Variants in REEP3 observed in about 807,000 individuals in gnomAD.
REEP3 encodes the protein receptor expression-enhancing protein 3.
In REEP3, 20 loss-of-function variants were observed where a neutral mutation model predicts 41.3. The observed-to-expected ratio is 0.48, with a 90% CI of 0.34 to 0.70. REEP3 has a LOEUF of 0.70. REEP3 is among the 30% of genes least tolerant of loss of function. The pLI is 0.01. For missense variants in REEP3, 271 were observed against 308.8 expected (o/e 0.88, Z 0.92); for synonymous variants, 104 against 101.8 (o/e 1.02, Z -0.13).
At chr10:63,556,667 G>T (rs1467236100) in intron 1 of REEP3, among the ~76,000 whole-genome samples, 1 of 115,014 alleles carries the variant, frequency 8.7e-6, no homozygotes, top group Non-Finnish European at 1.7e-5. Flanking sequence ...ACGGAGTCTC[G>T]CTCTGTCGCC....
chr10:63,564,484 A>G (rs1227122038), intron 1 of REEP3, among the ~76,000 whole-genome samples: 1 of 151,906 alleles, frequency 6.6e-6, no homozygotes, highest in Non-Finnish European at 1.5e-5. Flanking sequence ...TTGGCGAGAC[A>G]TGGTAGCACA....
At chr10:63,527,236 T>TC (rs1471314750) in intron 1 of REEP3, among the ~76,000 whole-genome samples, 1 of 152,130 alleles carries the variant, frequency 6.6e-6, no homozygotes, top group Non-Finnish European at 1.5e-5. Flanking sequence ...ATCTCTTTTT[T>TC]CTTCTCTACT....
chr10:63,549,077 A>G (rs148161033), intron 1 of REEP3, among the ~76,000 whole-genome samples: 1 of 152,120 alleles, frequency 6.6e-6, no homozygotes, highest in Admixed American at 6.6e-5. Flanking sequence ...GCCACCTTTC[A>G]CCTAAGGACA....
At chr10:63,566,195 T>G in intron 1 of REEP3, 143 bp from the exon 2 acceptor site, 2 of 630,598 alleles carry the variant, frequency 3.2e-6, no homozygotes, top group Non-Finnish European at 5.6e-6. Flanking sequence ...AATTATCTTT[T>G]TATTAAAAAT....
chr10:63,568,480 G>T (rs1002621895), intron 2 of REEP3, among the ~76,000 whole-genome samples: 15 of 151,746 alleles, frequency 9.9e-5, no homozygotes, highest in Non-Finnish European at 1.3e-4. Flanking sequence ...TATTAGCCAG[G>T]ACGGTCTCGA....
intron 1 of REEP3, chr10:63,562,597 AG>A (rs1372376746): frequency 2.2e-6 from 1 of 456,348 alleles, no homozygotes; most frequent in East Asian, 6.9e-5. Context: ...CTAGTTGGTA[AG>A]TATAAAATCC....
chr10:63,524,505 T>C (rs1955340263), intron 1 of REEP3, among the ~76,000 whole-genome samples: 2 of 151,994 alleles, frequency 1.3e-5, no homozygotes, highest in East Asian at 3.9e-4. Flanking sequence ...TGGTGTGATC[T>C]CAACTCACTG....
chr10:63,607,082 T>G (rs749326843), intron 5 of REEP3, among the ~76,000 whole-genome samples: 1 of 152,248 alleles, frequency 6.6e-6, no homozygotes, highest in African/African-American at 2.4e-5. Context: ...AAGTGATTAC[T>G]TTGTAATTAT....
chr10:63,548,150 T>A (rs1955595734), intron 1 of REEP3, among the ~76,000 whole-genome samples: 1 of 152,202 alleles, frequency 6.6e-6, no homozygotes, highest in Non-Finnish European at 1.5e-5. Context: ...GCATCTGTGT[T>A]TAGAATGCTC....
intron 1 of REEP3, among the ~76,000 whole-genome samples, chr10:63,529,642 A>G (rs1298462994): frequency 6.6e-6 from 1 of 151,214 alleles, no homozygotes; most frequent in Non-Finnish European, 1.5e-5. Context: ...TTTTTATTTT[A>G]CTTTTGTAGA....
chr10:63,595,668 C>T (rs1956107676), intron 3 of REEP3, among the ~76,000 whole-genome samples: 1 of 152,128 alleles, frequency 6.6e-6, no homozygotes, highest in East Asian at 1.9e-4. Context: ...CCTCTACCTC[C>T]CGGGTTCAAG....
At chr10:63,550,801 T>C (rs1444179962) in intron 1 of REEP3, among the ~76,000 whole-genome samples, 2 of 152,090 alleles carry the variant, frequency 1.3e-5, no homozygotes, top group Non-Finnish European at 2.9e-5. Context: ...ATCCTCTCCA[T>C]CAAAAGAAAA....
chr10:63,617,093 TC>T (rs1956317724), intron 6 of REEP3, among the ~76,000 whole-genome samples: 1 of 152,088 alleles, frequency 6.6e-6, no homozygotes, highest in Non-Finnish European at 1.5e-5. Flanking sequence ...TTGCAGTTCT[TC>T]CAAGCAATCC....
intron 3 of REEP3, among the ~76,000 whole-genome samples, chr10:63,597,719 C>T (rs1029192028): frequency 2.6e-5 from 4 of 152,010 alleles, no homozygotes; most frequent in Admixed American, 2.6e-4. Flanking sequence ...CAAGACCAGG[C>T]CTGGACAACA....
At chr10:63,549,903 G>A (rs543124008) in intron 1 of REEP3, among the ~76,000 whole-genome samples, 1 of 152,286 alleles carries the variant, frequency 6.6e-6, no homozygotes, top group East Asian at 1.9e-4. Context: ...AGGAAACCAT[G>A]CTGGAACAGA....
At chr10:63,616,704 T>A (rs1956314748) in intron 6 of REEP3, among the ~76,000 whole-genome samples, 1 of 152,168 alleles carries the variant, frequency 6.6e-6, no homozygotes, top group African/African-American at 2.4e-5. Context: ...AGAGAAATTG[T>A]TTATCACAGT....
At chr10:63,540,577 A>T (rs1452131768) in intron 1 of REEP3, among the ~76,000 whole-genome samples, 1 of 152,202 alleles carries the variant, frequency 6.6e-6, no homozygotes, top group Non-Finnish European at 1.5e-5. Flanking sequence ...TTTATCTACC[A>T]TAGCAGAAAG....
chr10:63,567,008 C>T (rs1251966145), intron 2 of REEP3, among the ~76,000 whole-genome samples: 1 of 152,020 alleles, frequency 6.6e-6, no homozygotes, highest in Non-Finnish European at 1.5e-5. Flanking sequence ...TGAAGTTCTC[C>T]TCATTTCTCA....
chr10:63,583,282 T>C (rs1955972240), intron 2 of REEP3, among the ~76,000 whole-genome samples: 1 of 152,184 alleles, frequency 6.6e-6, no homozygotes, highest in Non-Finnish European at 1.5e-5. Flanking sequence ...TCAGCCACGG[T>C]GCCTGGCCCC....
Sources: allele counts gnomAD v4.1 joint callset (sites outside exome capture counted in the v4.1 genomes callset), GRCh38; gene constraint gnomAD v4.1.1; transcripts MANE v1.5; gene names NCBI Gene and HGNC (gene_info 2026-07-23, HGNC 2026-07-21).